The following SLC8A1 variants were observed in gnomAD, a reference collection of about 807,000 sequenced individuals.
SLC8A1 encodes the protein sodium/calcium exchanger 1.
A neutral mutation model predicts 68.3 loss-of-function variants in SLC8A1; 18 were observed. The observed-to-expected ratio is 0.26, with a 90% CI of 0.18 to 0.39. SLC8A1 has a LOEUF of 0.39. Among genes scored for constraint, SLC8A1 ranks in the 10% least tolerant of loss-of-function variants. The pLI is 1.00. For missense variants in SLC8A1, 985 were observed against 1,156.7 expected (o/e 0.85, Z 2.15); for synonymous variants, 475 against 415.5 (o/e 1.14, Z -1.74).
At chr2:40,256,047 C>G (rs2063861449) in intron 2 of SLC8A1, among the ~76,000 whole-genome samples, 1 of 152,144 alleles carries the variant, frequency 6.6e-6, no homozygotes, top group Admixed American at 6.6e-5. Flanking sequence ...TATGGGAACT[C>G]AGAAATCTAA....
chr2:40,298,392 A>G (rs1347598139), intron 2 of SLC8A1, among the ~76,000 whole-genome samples: 1 of 152,204 alleles, frequency 6.6e-6, no homozygotes, highest in African/African-American at 2.4e-5. Flanking sequence ...AAAACCGGGT[A>G]TACTTTGTTT....
At chr2:40,324,974 G>A (rs1435578502) in intron 2 of SLC8A1, among the ~76,000 whole-genome samples, 3 of 151,986 alleles carry the variant, frequency 2.0e-5, no homozygotes, top group Non-Finnish European at 4.4e-5. Flanking sequence ...CTCTCCATGT[G>A]CCCTTCTGTA....
At chr2:40,220,069 A>T (rs1160274679) in intron 2 of SLC8A1, 5 of 151,724 alleles carry the variant, frequency 3.3e-5, no homozygotes, top group African/African-American at 1.2e-4. Flanking sequence ...GGCTCTTGTT[A>T]TATCTTTGAA....
intron 2 of SLC8A1, among the ~76,000 whole-genome samples, chr2:40,308,254 C>T (rs866765907): frequency 6.6e-6 from 1 of 152,104 alleles, no homozygotes; most frequent in Admixed American, 6.6e-5. Flanking sequence ...AACCTTGAAT[C>T]AAATTGGAGT....
chr2:40,440,303 T>C (rs996099602), intron 1 of SLC8A1, among the ~76,000 whole-genome samples: 3 of 152,166 alleles, frequency 2.0e-5, no homozygotes, highest in Non-Finnish European at 2.9e-5. Context: ...TGAATTTATC[T>C]ATCACAAAGG....
At chr2:40,133,661 G>A (rs938003308) in intron 7 of SLC8A1, among the ~76,000 whole-genome samples, 14 of 150,944 alleles carry the variant, frequency 9.3e-5, no homozygotes, top group Admixed American at 2.0e-4. Context: ...CCACCAAGAC[G>A]CGCAGAGAAA....
intron 1 of SLC8A1, among the ~76,000 whole-genome samples, chr2:40,491,701 T>G (rs1576660687): frequency 6.6e-6 from 1 of 152,300 alleles, no homozygotes; most frequent in African/African-American, 2.4e-5. Flanking sequence ...AGTTGTTGAA[T>G]TTTGTCAAAG....
intron 6 of SLC8A1, among the ~76,000 whole-genome samples, chr2:40,151,901 T>C (rs1224277668): frequency 1.3e-5 from 2 of 152,198 alleles, no homozygotes; most frequent in Non-Finnish European, 2.9e-5. Flanking sequence ...AAATTACAGA[T>C]AAGTTAAACT....
intron 2 of SLC8A1, among the ~76,000 whole-genome samples, chr2:40,235,439 G>A (rs2060232194): frequency 6.6e-6 from 1 of 151,876 alleles, no homozygotes; most frequent in Admixed American, 6.6e-5. Context: ...TGGGATCGGT[G>A]GTGATATCCC....
intron 2 of SLC8A1, among the ~76,000 whole-genome samples, chr2:40,318,818 G>C (rs2074821894): frequency 6.6e-6 from 1 of 152,102 alleles, no homozygotes; most frequent in African/African-American, 2.4e-5. Context: ...TATATCAAGT[G>C]CCTACTGTGT....
chr2:40,228,962 G>A (rs144004945), intron 2 of SLC8A1, among the ~76,000 whole-genome samples: 14 of 152,152 alleles, frequency 9.2e-5, no homozygotes, highest in Non-Finnish European at 1.8e-4. Flanking sequence ...CATAAGAAAG[G>A]AAAAGCAAGC....
intron 1 of SLC8A1, among the ~76,000 whole-genome samples, chr2:40,435,744 C>T (rs1160231579): frequency 6.6e-6 from 1 of 151,986 alleles, no homozygotes; most frequent in African/African-American, 2.4e-5. Flanking sequence ...GCCCTTTCCC[C>T]TACTTTATTT....
At chr2:40,494,609 T>G (rs941489020) in intron 1 of SLC8A1, among the ~76,000 whole-genome samples, 6 of 142,134 alleles carry the variant, frequency 4.2e-5, no homozygotes, top group African/African-American at 1.3e-4. Context: ...AACCTGCACG[T>G]TGTGTACATG....
chr2:40,259,269 C>A (rs1574852236), intron 2 of SLC8A1, among the ~76,000 whole-genome samples: 2 of 152,164 alleles, frequency 1.3e-5, no homozygotes, highest in Non-Finnish European at 2.9e-5. Context: ...CCTTCCATTA[C>A]AAATACTTGG....
chr2:40,134,361 G>A (rs2040078395), intron 7 of SLC8A1, among the ~76,000 whole-genome samples: 1 of 152,024 alleles, frequency 6.6e-6, no homozygotes, highest in South Asian at 2.1e-4. Context: ...CAAAGTGCTG[G>A]GATTACAGGT....
At chr2:40,350,191 C>A (rs1161277992) in intron 2 of SLC8A1, among the ~76,000 whole-genome samples, 1 of 152,056 alleles carries the variant, frequency 6.6e-6, no homozygotes, top group African/African-American at 2.4e-5. Flanking sequence ...ATCAACGACG[C>A]CATTTATCAG....
chr2:40,227,361 GT>G (rs1342125733), intron 2 of SLC8A1, among the ~76,000 whole-genome samples: 1 of 151,976 alleles, frequency 6.6e-6, no homozygotes, highest in Admixed American at 6.6e-5. Context: ...AGAGTGTTCT[GT>G]TTTCCTTTCT....
intron 2 of SLC8A1, among the ~76,000 whole-genome samples, chr2:40,237,292 C>T (rs1352190952): frequency 2.0e-5 from 3 of 151,920 alleles, no homozygotes; most frequent in Non-Finnish European, 4.4e-5. Context: ...TTCTTGGAGG[C>T]TTTGCTCATT....
chr2:40,377,064 G>T (rs2149531731), intron 2 of SLC8A1, among the ~76,000 whole-genome samples: 1 of 152,108 alleles, frequency 6.6e-6, no homozygotes, highest in South Asian at 2.1e-4. Flanking sequence ...ATTTTGTATG[G>T]CAAAAGTGAA....
Sources: allele counts gnomAD v4.1 joint callset (sites outside exome capture counted in the v4.1 genomes callset), GRCh38; gene constraint gnomAD v4.1.1; transcripts MANE v1.5; gene names NCBI Gene and HGNC (gene_info 2026-07-23, HGNC 2026-07-21).